NLRC5: variants seen among roughly 807,000 people sequenced by gnomAD.
NLRC5 encodes NLR family CARD domain containing 5.
A neutral mutation model predicts 206.9 loss-of-function variants in NLRC5; 114 were observed. The observed-to-expected ratio is 0.55, with a 90% CI of 0.47 to 0.64. NLRC5 has a LOEUF of 0.64. Among genes scored for constraint, NLRC5 ranks in the 30% least tolerant of loss-of-function variants. The pLI is 0.00. For missense variants in NLRC5, 2,008 were observed against 2,305.5 expected (o/e 0.87, Z 2.64); for synonymous variants, 952 against 962.8 (o/e 0.99, Z 0.21).
Position 57,026,564 on chromosome 16 carries a change from G to A in NLRC5, c.1621G>A (p.Val541Ile). The change falls in exon 6 of 49, where the codon GTT (valine) becomes ATT (isoleucine). Residue 541 changes from valine (V) to isoleucine (I), a missense_variant. Physicochemically the swap from Val to Ile is conservative, Grantham distance 29. Transcript: ENST00000688547. ...KVNKDTLTQY[V>I]TLHSRWVQRT... ...GAACAAAGACACACTTACCCAGTATGTTACCCTCCATTCCCGCTGGGTACA... is the reference window on the plus strand; with the variant it reads ...GAACAAAGACACACTTACCCAGTATATTACCCTCCATTCCCGCTGGGTACA... 1.2e-6 allele frequency: 2 copies of A among 1,614,188 alleles called. No homozygotes were observed. The highest frequency in any genetic ancestry group is 8.5e-7 in the Non-Finnish European group (1 of 1,180,044).
intron 1 of NLRC5, among the ~76,000 whole-genome samples, chr16:57,001,949 A>G (rs2058312483): frequency 6.7e-6 from 1 of 148,972 alleles, no homozygotes; most frequent in Admixed American, 6.8e-5. Flanking sequence ...CTCTATCTCC[A>G]TGACTTAAAT....
chr16:57,069,842 C>T lies in NLRC5; in HGVS notation c.4506C>T (p.Thr1502=), dbSNP rs1388333335. ...GCCCTTTGACCCCCACCAGGCTGACCTCCAGCTGTGTGAGCACCGAGGGCC... is the reference window on the plus strand; with the variant it reads ...GCCCTTTGACCCCCACCAGGCTGACTTCCAGCTGTGTGAGCACCGAGGGCC... ...SLSELKTFRL[T]SSCVSTEGLA... The change falls in exon 37 of 49, where the codon ACC becomes ACT. Residue 1502 remains threonine (T), a synonymous_variant. Coordinates refer to ENST00000688547, the MANE Select transcript of NLRC5 (RefSeq NM_001384950.1). 1.9e-6 allele frequency: 3 copies of T among 1,603,734 alleles called. No individual in the cohort carries two copies. Among genetic ancestry groups the T allele is most frequent in the Non-Finnish European group, 2.6e-6 (3 of 1,175,928 alleles).
intron 23 of NLRC5, among the ~76,000 whole-genome samples, chr16:57,049,872 C>T (rs997085245): frequency 6.6e-6 from 1 of 152,128 alleles, no homozygotes; most frequent in African/African-American, 2.4e-5. Context: ...TATGAAAGCA[C>T]TTTGTCAACT....
chr16:57,022,304 A>G lies in NLRC5; in HGVS notation c.344A>G (p.Gln115Arg), dbSNP rs138117777. The G allele has an allele frequency of 4.8e-5, 77 of 1,611,174 alleles. No homozygotes were observed. In the African/African-American group the frequency reaches 7.6e-4, roughly 16 times the overall value. Reference sequence around the variant, plus strand: ...GAGGGGAAAAGCCAACCTGAATCTCAGCTCCACCATGGTGAGGACTGGAGT... The same window carrying G: ...GAGGGGAAAAGCCAACCTGAATCTCGGCTCCACCATGGTGAGGACTGGAGT... ...GAEGKSQPESQLHHGLKRPHQ... is the reference protein window; with the variant it reads ...GAEGKSQPESRLHHGLKRPHQ... The change falls in exon 4 of 49, where the codon CAG becomes CGG. Residue 115 changes from glutamine (Q) to arginine (R), a missense_variant. Coordinates refer to ENST00000688547, the MANE Select transcript of NLRC5 (RefSeq NM_001384950.1).
intron 1 of NLRC5, among the ~76,000 whole-genome samples, chr16:57,000,125 G>C (rs952950671): frequency 2.0e-5 from 3 of 152,146 alleles, no homozygotes; most frequent in Non-Finnish European, 4.4e-5. Flanking sequence ...CCCGGGACAC[G>C]CAAGCGGGAG....
intron 27 of NLRC5, among the ~76,000 whole-genome samples, chr16:57,057,099 A>G (rs2065776511): frequency 6.6e-6 from 1 of 152,240 alleles, no homozygotes; most frequent in African/African-American, 2.4e-5. Context: ...ATGTTCCGGG[A>G]CACACTGGTT....
chr16:57,034,261 A>T lies in NLRC5; in HGVS notation c.2627+10A>T, dbSNP rs752865492. ...ACCTGGAGGAAGTGGAGTGAGTATC[A>T]CGGGAAGCCCTGGCGTAGGAGCCAG... On this transcript the variant is annotated intron_variant, in intron 13 of 48. Transcript: ENST00000688547. 2 of 1,606,612 alleles carry T rather than the reference A, an allele frequency of 1.2e-6. No individual in the cohort carries two copies. Among genetic ancestry groups the T allele is most frequent in the Non-Finnish European group, 1.7e-6 (2 of 1,175,418 alleles).
intron 14 of NLRC5, 87 bp from the exon 15 acceptor site, chr16:57,037,108 C>G (rs2143348563): frequency 9.2e-7 from 1 of 1,084,410 alleles, no homozygotes; most frequent in East Asian, 2.4e-5. Context: ...AGCCAGCAAG[C>G]TGCTGAGCCA....
rs748945456 is a variant in NLRC5 at position 57,041,520 on chromosome 16, A to G, written c.2975A>G (p.Glu992Gly). Residue 992 changes from glutamate (E) to glycine (G), a missense_variant, in exon 18 of 49, where the codon GAG becomes GGG. Glu to Gly is a moderately conservative substitution (Grantham distance 98, BLOSUM62 -2). Coordinates refer to ENST00000688547, the MANE Select transcript of NLRC5 (RefSeq NM_001384950.1). ...TGTGGCCTCCAAGAAAAGCACCTAG[A>G]GCAGCTCTGCAAGGCTCTGGGAGGA... Reference protein sequence around the residue: ...THCGLQEKHLEQLCKALGGSC... With the variant: ...THCGLQEKHLGQLCKALGGSC... 1.2e-6 allele frequency: 2 copies of G among 1,614,110 alleles called. No homozygotes were observed. The highest frequency in any genetic ancestry group is 2.2e-5 in the South Asian group (2 of 91,080).
At chr16:57,081,072 C>T (rs1005316523) in intron 46 of NLRC5, 26 bp from the exon 47 acceptor site, 1 of 1,546,102 alleles carries the variant, frequency 6.5e-7, no homozygotes. Context: ...TCTCCTGCCG[C>T]TGACTTTGGG....
At chr16:57,072,217 T>G (rs548879189) in intron 38 of NLRC5, among the ~76,000 whole-genome samples, 1 of 152,288 alleles carries the variant, frequency 6.6e-6, no homozygotes, top group African/African-American at 2.4e-5. Context: ...AGGCCATCCC[T>G]GCACCTGCAG....
intron 11 of NLRC5, among the ~76,000 whole-genome samples, chr16:57,032,649 T>C (rs1284170968): frequency 6.6e-6 from 1 of 152,084 alleles, no homozygotes; most frequent in Non-Finnish European, 1.5e-5. Context: ...AGGTGGCTAG[T>C]GGCTCCCATA....
rs1483216149 is a variant in NLRC5, at chr16:57,055,016, G to A, written c.3597-16G>A. 4 of 1,614,190 alleles carry A rather than the reference G, an allele frequency of 2.5e-6. No individual in the cohort carries two copies. The highest frequency in any genetic ancestry group is 1.1e-5 in the South Asian group (1 of 91,086). ...CTGTGGCCACAGCTGTCTGACCCAGGTCCTGTCTGATCCAGGTCCCTGCAC... is the reference window on the plus strand; with the variant it reads ...CTGTGGCCACAGCTGTCTGACCCAGATCCTGTCTGATCCAGGTCCCTGCAC... On this transcript the variant is annotated splice_polypyrimidine_tract_variant and intron_variant, in intron 25 of 48. Coordinates refer to ENST00000688547, the MANE Select transcript of NLRC5 (RefSeq NM_001384950.1).
rs535831159 is a variant in NLRC5, at chr16:57,023,941, A to G, written c.424+88A>G. 44 of 1,225,260 alleles carry G rather than the reference A, an allele frequency of 3.6e-5. 1 individual carries two copies. In the East Asian group the frequency reaches 8.4e-4, roughly 23 times the overall value. The allele number at this position is 1,225,260 out of a possible 1,614,324, so 75.9% of individuals were successfully genotyped here. On this transcript the variant is annotated intron_variant, in intron 5 of 48. Transcript: ENST00000688547. The stretch of plus-strand genomic sequence containing the variant: ...GGACCCTGGACCTTGTCCCCTGCCA[A>G]TAAGCCTCCAGAGGCCCAGTGACTC...
In NLRC5 at chr16:57,020,980, C is replaced by T; in HGVS notation, c.268C>T (p.Leu90=). Residue 90 remains leucine (L), a synonymous_variant, in exon 3 of 49, where the codon CTG becomes TTG. Coordinates refer to ENST00000688547, the MANE Select transcript of NLRC5 (RefSeq NM_001384950.1). ...LEVPLDLEVL[L]LSTFGYDDGF... is the part of the protein sequence containing the mutation. ...GGTGCCTCTGGACCTGGAGGTGCTG[C>T]TGCTGAGTACTTTTGGCTATGATGA... 6.2e-7 allele frequency: 1 copy of T among 1,613,878 alleles called. No homozygotes were observed. Among genetic ancestry groups the T allele is most frequent in the Non-Finnish European group, 8.5e-7 (1 of 1,179,858 alleles).
rs192017223 is a variant in NLRC5 at position 57,012,571 on chromosome 16, C to T, written c.-127-4503C>T. Among the ~76,000 whole-genome samples the T allele has an allele frequency of 4.5e-4, 69 of 152,268 alleles. No individual in the cohort carries two copies. The East Asian group carries it at 0.012, about 26-fold the overall frequency. ...CGGATCAGCGGTGCCATTAGATTCT[C>T]ATAGGAGCACAAACCCAGTTGTGAA... On this transcript the variant is annotated intron_variant, in intron 1 of 48. Coordinates refer to ENST00000688547, the MANE Select transcript of NLRC5 (RefSeq NM_001384950.1).
intron 29 of NLRC5, 125 bp from the exon 30 acceptor site, chr16:57,059,342 C>T: frequency 6.7e-7 from 1 of 1,486,968 alleles, no homozygotes; most frequent in Non-Finnish European, 9.0e-7. Context: ...GGTTCTGAGG[C>T]CTCCATCCTC....
At chr16:57,055,406 CTGCT>C (rs1196124762) in intron 26 of NLRC5, 23 bp from the exon 27 acceptor site, 12 of 1,610,396 alleles carry the variant, frequency 7.5e-6, no homozygotes, top group Non-Finnish European at 1.0e-5. Flanking sequence ...GCCCCATCCC[CTGCT>C]TGTCCCCTTT....
chr16:57,016,291 C>G (rs948193990), intron 1 of NLRC5, among the ~76,000 whole-genome samples: 1 of 152,306 alleles, frequency 6.6e-6, no homozygotes, highest in Admixed American at 6.5e-5. Flanking sequence ...AAAGATCTCT[C>G]TTTTCCTTTC....
Sources: gnomAD v4.1 joint callset for allele counts (sites outside exome capture counted in the v4.1 genomes callset) on GRCh38, gnomAD v4.1.1 for gene constraint, MANE v1.5 for transcripts, NCBI Gene and HGNC (gene_info 2026-07-23, HGNC 2026-07-21) for gene names.